YME1L1: variants seen among roughly 807,000 people sequenced by gnomAD.
The protein encoded by YME1L1 is YME1 like 1 ATPase, also known as ATP-dependent zinc metalloprotease YME1L1.
Under a neutral mutation model 90.4 loss-of-function variants are expected in YME1L1, and 39 were observed. The ratio of observed to expected loss-of-function variants is 0.43; its 90% CI spans 0.33 to 0.56. The LOEUF (loss-of-function observed/expected upper bound fraction) is 0.56. Among genes scored for constraint, YME1L1 ranks in the 20% least tolerant of loss-of-function variants. YME1L1 has a pLI of 0.03. For missense variants in YME1L1, 617 were observed against 868.4 expected, an observed-to-expected ratio of 0.71 and a Z score of 3.64; for synonymous variants, 284 against 287.3, an observed-to-expected ratio of 0.99 and a Z score of 0.12.
intron 9 of YME1L1, 35 bp from the exon 10 acceptor site, chr10:27,123,734 A>AT (rs199925261): frequency 3.8e-6 from 6 of 1,562,076 alleles, no homozygotes; most frequent in Non-Finnish European, 5.2e-6. Context: ...GATTCAAAGT[A>AT]TTTTTAAAAA....
chr10:27,147,808 T>A (rs573565035), intron 2 of YME1L1: 10 of 1,176,188 alleles, frequency 8.5e-6, no homozygotes, highest in Non-Finnish European at 1.1e-5. Context: ...GCGTGCACAA[T>A]GGCCAGCAGG....
intron 8 of YME1L1, among the ~76,000 whole-genome samples, chr10:27,130,388 TTAACATACATATAAA>T (rs1399593048): frequency 1.3e-5 from 2 of 152,204 alleles, no homozygotes; most frequent in Non-Finnish European, 2.9e-5. Flanking sequence ...ACATGTGGAC[TTAACATACATATAAA>T]TATAATCTCC....
At chr10:27,141,230 T>C (rs185448727) in intron 4 of YME1L1, among the ~76,000 whole-genome samples, 2 of 152,144 alleles carry the variant, frequency 1.3e-5, no homozygotes, top group East Asian at 3.9e-4. Context: ...ACCCCGTCTC[T>C]ACTAAAAATA....
At chr10:27,114,655 C>A in intron 17 of YME1L1, 48 bp from the exon 18 acceptor site, 1 of 1,424,660 alleles carries the variant, frequency 7.0e-7, no homozygotes, top group Non-Finnish European at 9.8e-7. Context: ...CCCCAAACAC[C>A]AACAAATTTG....
chr10:27,113,698 AAAAC>A (rs1299484870), intron 18 of YME1L1, among the ~76,000 whole-genome samples: 1 of 151,418 alleles, frequency 6.6e-6, no homozygotes, highest in Non-Finnish European at 1.5e-5. Flanking sequence ...AGAAAAAACA[AAAAC>A]AAAAAACTGA....
chr10:27,135,100 GA>G (rs1165615515), intron 5 of YME1L1, 119 bp from the exon 6 acceptor site: 1 of 937,340 alleles, frequency 1.1e-6, no homozygotes, highest in Non-Finnish European at 1.6e-6. Context: ...TCAATGTGAA[GA>G]AACAGATTAA....
intron 1 of YME1L1, 127 bp from the exon 2 acceptor site, chr10:27,149,167 G>C (rs1275096052): frequency 2.6e-6 from 2 of 776,818 alleles, no homozygotes; most frequent in Admixed American, 3.1e-5. Flanking sequence ...ACTAAAAACT[G>C]TAAGTACTCA....
rs888707586 is a variant in YME1L1, at chr10:27,150,199, G to GA, written c.34-1160dup. 7.0e-4 allele frequency among the ~76,000 whole-genome samples: 103 copies of GA among 147,410 alleles called. No homozygotes were observed. In the Middle Eastern group the frequency reaches 0.01, roughly 15 times the overall value. ...ATGACATGGCAAGACCCTGTCTCAAGAAAAAAAAAAATTTACTTAATAAAT... is the reference window on the plus strand; with the variant it reads ...ATGACATGGCAAGACCCTGTCTCAAGAAAAAAAAAAAATTTACTTAATAAAT... On this transcript the variant is annotated intron_variant, in intron 1 of 18. Coordinates refer to ENST00000376016, the MANE Select transcript of YME1L1 (RefSeq NM_014263.4).
At chr10:27,138,573 C>T (rs2135884440) in intron 4 of YME1L1, among the ~76,000 whole-genome samples, 1 of 152,082 alleles carries the variant, frequency 6.6e-6, no homozygotes, top group East Asian at 1.9e-4. Context: ...AAAACATTTA[C>T]TGGGTTTTAA....
intron 5 of YME1L1, 116 bp downstream of exon 5, chr10:27,136,160 A>G (rs2057024856): frequency 2.4e-6 from 2 of 821,056 alleles, no homozygotes; most frequent in Non-Finnish European, 3.9e-6. Flanking sequence ...ATCCCTTATT[A>G]TTAGTGGAAA....
chr10:27,147,366 A>C lies in YME1L1; in HGVS notation c.168+1540T>G, dbSNP rs3780926. Reference sequence around the variant, plus strand: ...AAAATGATAAAACAAACAAACAAAGAAACTAGACTGGATGAGAGAGAAGGC... The same window carrying C: ...AAAATGATAAAACAAACAAACAAAGCAACTAGACTGGATGAGAGAGAAGGC... On this transcript the variant is annotated intron_variant, in intron 2 of 18. Coordinates refer to ENST00000376016, the MANE Select transcript of YME1L1 (RefSeq NM_014263.4). The C allele has an allele frequency of 0.6, 893,733 of 1,488,366 alleles. 278,073 individuals are homozygous for C. The highest frequency in any genetic ancestry group is 0.65 in the Non-Finnish European group (693,047 of 1,072,818). The allele number at this position is 1,488,366 out of a possible 1,614,324, so 92.2% of individuals were successfully genotyped here.
At chr10:27,118,376 G>T (rs1475054532) in intron 14 of YME1L1, among the ~76,000 whole-genome samples, 1 of 150,932 alleles carries the variant, frequency 6.6e-6, no homozygotes, top group Non-Finnish European at 1.5e-5. Flanking sequence ...TAACTTCTTG[G>T]ACTTAAGTAA....
At position 27,114,547 on chromosome 10, in the gene YME1L1, C is replaced by T; in HGVS notation, c.1981G>A (p.Glu661Lys). ...CTTAGAAGGATTCTTATTTCTTGTT[C>T]GATGGCAGATTGGGTTTCTGGACTT... Reference protein sequence around the residue: ...KLSPETQSAIEQEIRILLRDS... With the variant: ...KLSPETQSAIKQEIRILLRDS... Residue 661 changes from glutamate (E) to lysine (K), a missense_variant, in exon 18 of 19, where the codon GAA becomes AAA. Glu to Lys is a moderately conservative substitution (Grantham distance 56, BLOSUM62 1). Transcript: ENST00000376016. The T allele has an allele frequency of 3.1e-6, 5 of 1,613,732 alleles. No homozygotes were observed. Among genetic ancestry groups the T allele is most frequent in the Non-Finnish European group, 4.2e-6 (5 of 1,179,868 alleles).
At chr10:27,131,735 G>T in intron 8 of YME1L1, 124 bp downstream of exon 8, 1 of 664,774 alleles carries the variant, frequency 1.5e-6, no homozygotes. Flanking sequence ...AAATACTAAT[G>T]TTTCTAATAC....
intron 8 of YME1L1, among the ~76,000 whole-genome samples, chr10:27,130,797 G>A (rs1431650810): frequency 1.3e-5 from 2 of 152,198 alleles, no homozygotes; most frequent in African/African-American, 4.8e-5. Flanking sequence ...AGGTTGCACT[G>A]AGCCGAGATC....
In YME1L1 at chr10:27,116,358, A is replaced by C; in HGVS notation, c.1720-13T>G. On this transcript the variant is annotated splice_polypyrimidine_tract_variant and intron_variant, in intron 15 of 18. Transcript: ENST00000376016. ...GTAACAGGGACACCTAGACAATTAA[A>C]AATTAATCAGATAAAAAATAAGCAA... 6.2e-7 allele frequency: 1 copy of C among 1,612,078 alleles called. No homozygotes were observed.
At chr10:27,125,473 A>AC (rs929611273) in intron 9 of YME1L1, among the ~76,000 whole-genome samples, 10 of 150,916 alleles carry the variant, frequency 6.6e-5, no homozygotes, top group African/African-American at 2.2e-4. Context: ...AAAAAAAAAA[A>AC]AAAACAATAA....
intron 4 of YME1L1, among the ~76,000 whole-genome samples, chr10:27,138,097 C>T (rs922877142): frequency 1.3e-5 from 2 of 151,948 alleles, no homozygotes; most frequent in Non-Finnish European, 2.9e-5. Flanking sequence ...TTTTCCAAAA[C>T]AGCCACTTAG....
chr10:27,153,003 G>C (rs1381345166), intron 1 of YME1L1, among the ~76,000 whole-genome samples: 2 of 152,156 alleles, frequency 1.3e-5, no homozygotes, highest in African/African-American at 2.4e-5. Flanking sequence ...TCTGCCTCAA[G>C]TCTTTTCTCC....
Sources: allele counts gnomAD v4.1 joint callset (sites outside exome capture counted in the v4.1 genomes callset), GRCh38; gene constraint gnomAD v4.1.1; transcripts MANE v1.5; gene names NCBI Gene and HGNC (gene_info 2026-07-23, HGNC 2026-07-21).